Variants in CACHD1 observed in about 807,000 individuals in gnomAD.
The protein encoded by CACHD1 is VWFA and cache domain-containing protein 1.
Under a neutral mutation model 138.7 loss-of-function variants are expected in CACHD1, and 71 were observed. The observed-to-expected ratio is 0.51, with a 90% CI of 0.42 to 0.62. The LOEUF (loss-of-function observed/expected upper bound fraction) is 0.62. Among genes scored for constraint, CACHD1 ranks in the 20% least tolerant of loss-of-function variants. The pLI is 0.00. For missense variants in CACHD1, 1,389 were observed against 1,625.3 expected (o/e 0.85, Z 2.50); for synonymous variants, 578 against 591.5 (o/e 0.98, Z 0.33).
At chr1:64,558,191 C>T (rs1351699189) in intron 2 of CACHD1, among the ~76,000 whole-genome samples, 1 of 152,236 alleles carries the variant, frequency 6.6e-6, no homozygotes, top group Non-Finnish European at 1.5e-5. Flanking sequence ...GCTAATTCCT[C>T]ATTTACTTAA....
intron 7 of CACHD1, among the ~76,000 whole-genome samples, chr1:64,635,623 C>T (rs1305542375): frequency 2.0e-5 from 3 of 150,922 alleles, no homozygotes; most frequent in Admixed American, 6.6e-5. Context: ...ACCTTGTAAT[C>T]CCCCACCTCG....
chr1:64,566,736 T>C (rs1486285808), intron 2 of CACHD1, among the ~76,000 whole-genome samples: 3 of 151,936 alleles, frequency 2.0e-5, no homozygotes, highest in African/African-American at 7.2e-5. Context: ...CAAACAATTA[T>C]ACTACAGCAA....
intron 4 of CACHD1, 124 bp from the exon 5 acceptor site, chr1:64,629,231 A>C: frequency 9.6e-7 from 1 of 1,046,588 alleles, no homozygotes. Flanking sequence ...GAAAATTTAC[A>C]ATCTTGTATC....
rs1648111994 is a variant in CACHD1 at position 64,626,665 on chromosome 1, G to GGA, written c.518-2689_518-2688insAG. The stretch of plus-strand genomic sequence containing the variant: ...TGCACATTGGTCATCTTGGGAGGTG[G>GGA]GTATGTTTTCAAGGTACATACCCAA... On this transcript the variant is annotated intron_variant, in intron 4 of 26. Coordinates refer to ENST00000651257, the MANE Select transcript of CACHD1 (RefSeq NM_020925.4). Among the ~76,000 whole-genome samples, 4 of 152,152 alleles carry GGA rather than the reference G, an allele frequency of 2.6e-5. No individual in the cohort carries two copies. In the South Asian group the frequency reaches 8.3e-4, roughly 32 times the overall value.
At chr1:64,492,118 CT>C (rs199717793) in intron 1 of CACHD1, among the ~76,000 whole-genome samples, 2 of 150,382 alleles carry the variant, frequency 1.3e-5, no homozygotes, top group Non-Finnish European at 3.0e-5. Context: ...AAGATGGAAG[CT>C]TTTTTTAAAA....
chr1:64,548,958 TAGG>T (rs1646738318), intron 1 of CACHD1, among the ~76,000 whole-genome samples: 1 of 152,184 alleles, frequency 6.6e-6, no homozygotes, highest in Non-Finnish European at 1.5e-5. Context: ...ACAATAGAGT[TAGG>T]AGCGCCAGAT....
intron 19 of CACHD1, 97 bp from the exon 20 acceptor site, chr1:64,675,304 C>A: frequency 2.3e-6 from 2 of 879,434 alleles, no homozygotes; most frequent in South Asian, 2.6e-5. Context: ...TTATTTTAAG[C>A]TATTTTTCGT....
chr1:64,608,686 G>A (rs1233429237), intron 4 of CACHD1, among the ~76,000 whole-genome samples: 4 of 152,160 alleles, frequency 2.6e-5, no homozygotes, highest in Non-Finnish European at 5.9e-5. Context: ...GTTTGACAGT[G>A]CATGTGTTAT....
At chr1:64,512,023 A>T (rs940802315) in intron 1 of CACHD1, among the ~76,000 whole-genome samples, 1 of 152,206 alleles carries the variant, frequency 6.6e-6, no homozygotes. Context: ...ATTATTTTCC[A>T]TAACTCTATG....
chr1:64,642,187 C>G (rs1287457933), intron 8 of CACHD1, among the ~76,000 whole-genome samples: 2 of 152,200 alleles, frequency 1.3e-5, no homozygotes, highest in Non-Finnish European at 2.9e-5. Flanking sequence ...GTTTCTAAAC[C>G]TCTTCTCCAC....
chr1:64,474,962 A>G (rs1184067138), intron 1 of CACHD1, among the ~76,000 whole-genome samples: 1 of 152,212 alleles, frequency 6.6e-6, no homozygotes, highest in African/African-American at 2.4e-5. Flanking sequence ...CAGTCAGGGC[A>G]GAAGAAATAC....
At chr1:64,483,644 G>C (rs1646223940) in intron 1 of CACHD1, among the ~76,000 whole-genome samples, 1 of 128,402 alleles carries the variant, frequency 7.8e-6, no homozygotes, top group Non-Finnish European at 1.6e-5. Context: ...AGGAGTTCAA[G>C]ACCAGTGTAG....
At chr1:64,679,094 A>C (rs1650084605) in intron 23 of CACHD1, among the ~76,000 whole-genome samples, 1 of 152,230 alleles carries the variant, frequency 6.6e-6, no homozygotes, top group African/African-American at 2.4e-5. Flanking sequence ...CTTGGCTCTG[A>C]GAAATCACTT....
At chr1:64,676,031 A>G (rs898557376) in intron 21 of CACHD1, 48 bp downstream of exon 21, 3 of 467,636 alleles carry the variant, frequency 6.4e-6, no homozygotes, top group Non-Finnish European at 8.7e-6. Flanking sequence ...TAATAATAAT[A>G]ATAATAATAC....
At chr1:64,577,364 T>G (rs1646976398) in intron 2 of CACHD1, among the ~76,000 whole-genome samples, 1 of 152,230 alleles carries the variant, frequency 6.6e-6, no homozygotes. Context: ...ATCTAATTCT[T>G]ATTATAAAGT....
At chr1:64,690,308 T>G (rs113418812) in intron 26 of CACHD1, among the ~76,000 whole-genome samples, 61 of 152,338 alleles carry the variant, frequency 4.0e-4, no homozygotes, top group Non-Finnish European at 6.6e-4. Flanking sequence ...GACTCCTGCT[T>G]GGCTGCATGC....
intron 1 of CACHD1, among the ~76,000 whole-genome samples, chr1:64,525,840 TAC>T (rs917814059): frequency 6.6e-5 from 10 of 152,240 alleles, no homozygotes; most frequent in Non-Finnish European, 1.5e-5. Flanking sequence ...ACACACTGCC[TAC>T]ACAATTTTCA....
intron 4 of CACHD1, among the ~76,000 whole-genome samples, chr1:64,606,573 G>T (rs33984037): frequency 0.083 from 12,575 of 152,190 alleles, 693 homozygotes; most frequent in Admixed American, 0.16. Flanking sequence ...ATCATGTGGT[G>T]GGGTAGTTAC....
chr1:64,476,222 GAAC>G (rs1454331801), intron 1 of CACHD1, among the ~76,000 whole-genome samples: 1 of 152,172 alleles, frequency 6.6e-6, no homozygotes, highest in Non-Finnish European at 1.5e-5. Flanking sequence ...CGTGTATCTT[GAAC>G]ACCTGAACAG....
Sources: allele counts gnomAD v4.1 joint callset (sites outside exome capture counted in the v4.1 genomes callset), GRCh38; gene constraint gnomAD v4.1.1; transcripts MANE v1.5; gene names NCBI Gene and HGNC (gene_info 2026-07-23, HGNC 2026-07-21).